Variants in GDPD5 observed in about 807,000 individuals in gnomAD.
GDPD5 encodes the protein glycerophosphodiester phosphodiesterase domain containing 5.
A neutral mutation model predicts 75.1 loss-of-function variants in GDPD5; 48 were observed. That is an observed-to-expected ratio of 0.64 (90% CI 0.51 to 0.81). GDPD5 has a LOEUF of 0.81. Among genes scored for constraint, GDPD5 ranks in the 40% least tolerant of loss-of-function variants. The pLI, the probability that GDPD5 is intolerant of heterozygous loss-of-function variation, is 0.00. For synonymous variants in GDPD5, 336 were observed against 339.0 expected (o/e 0.99, Z 0.10); for missense variants, 706 against 822.6 (o/e 0.86, Z 1.73).
At chr11:75,497,252 G>C (rs542475416) in intron 1 of GDPD5, among the ~76,000 whole-genome samples, 14 of 152,270 alleles carry the variant, frequency 9.2e-5, no homozygotes, top group African/African-American at 3.1e-4. Flanking sequence ...TGCTGGAGGA[G>C]CCCATGAGCT....
At chr11:75,513,006 G>A (rs1018422847) in intron 1 of GDPD5, among the ~76,000 whole-genome samples, 1 of 152,214 alleles carries the variant, frequency 6.6e-6, no homozygotes, top group Non-Finnish European at 1.5e-5. Context: ...AGGACATACT[G>A]TGTACCAGGC....
At chr11:75,437,303 G>C (rs556738736) in intron 15 of GDPD5, 2 of 516,632 alleles carry the variant, frequency 3.9e-6, no homozygotes, top group Admixed American at 7.0e-5. Context: ...CCAGGACTAG[G>C]GTTGGTTAGT....
rs1398089572 is a variant in GDPD5 at position 75,460,163 on chromosome 11, C to T, written c.222-2377G>A. Among the ~76,000 whole-genome samples the T allele has an allele frequency of 2.0e-5, 3 of 151,994 alleles. No individual in the cohort carries two copies. The East Asian group carries it at 5.8e-4, about 29-fold the overall frequency. ...AGATGTTCTGGTTCCATTTGTCTCT[C>T]AAGTGTGACCACTTTTAGCAGGGAG... On this transcript the variant is annotated intron_variant, in intron 4 of 16. Transcript: ENST00000336898.
At chr11:75,459,757 C>T (rs1400277967) in intron 4 of GDPD5, among the ~76,000 whole-genome samples, 1 of 148,182 alleles carries the variant, frequency 6.7e-6, no homozygotes, top group Non-Finnish European at 1.5e-5. Flanking sequence ...TTGCAGTGAG[C>T]TGAGATCATA....
At chr11:75,467,137 C>A (rs372075291) in intron 3 of GDPD5, among the ~76,000 whole-genome samples, 1 of 152,202 alleles carries the variant, frequency 6.6e-6, no homozygotes, top group Non-Finnish European at 1.5e-5. Context: ...CCACTGTGAC[C>A]CTCAATCAAA....
intron 3 of GDPD5, among the ~76,000 whole-genome samples, chr11:75,470,682 GA>G (rs944924525): frequency 2.0e-5 from 3 of 152,040 alleles, no homozygotes; most frequent in Non-Finnish European, 2.9e-5. Flanking sequence ...TTCAAAATGG[GA>G]AAAAAATTTT....
intron 2 of GDPD5, among the ~76,000 whole-genome samples, chr11:75,478,613 T>C (rs1949833131): frequency 1.3e-5 from 2 of 152,246 alleles, no homozygotes. Context: ...ATAATGCAGT[T>C]TTCATGAAGG....
chr11:75,509,022 T>C (rs1001966118), intron 1 of GDPD5: 7 of 152,268 alleles, frequency 4.6e-5, no homozygotes, highest in African/African-American at 1.4e-4. Flanking sequence ...TGACAGCTCC[T>C]GGCATGAACA....
At chr11:75,493,914 A>G (rs1481511213) in intron 1 of GDPD5, among the ~76,000 whole-genome samples, 1 of 152,214 alleles carries the variant, frequency 6.6e-6, no homozygotes, top group Non-Finnish European at 1.5e-5. Context: ...GGAACATCTT[A>G]CAACATTCTG....
chr11:75,447,102 C>T (rs984148151), intron 9 of GDPD5, among the ~76,000 whole-genome samples: 6 of 152,094 alleles, frequency 3.9e-5, no homozygotes, highest in African/African-American at 1.4e-4. Context: ...AGGCTGGTCT[C>T]GAACTCCTGA....
At chr11:75,487,451 G>A (rs533492291) in intron 2 of GDPD5, among the ~76,000 whole-genome samples, 2 of 152,366 alleles carry the variant, frequency 1.3e-5, no homozygotes, top group Non-Finnish European at 2.9e-5. Context: ...GAAGAGGCAG[G>A]TGGGGCCTGT....
intron 2 of GDPD5, among the ~76,000 whole-genome samples, 192 bp downstream of exon 2, chr11:75,490,045 C>T (rs544333080): frequency 2.6e-5 from 4 of 152,282 alleles, no homozygotes; most frequent in Admixed American, 6.5e-5. Context: ...GTATCTGGAA[C>T]GCTGTACTAA....
At chr11:75,524,318 C>G (rs958149737) in intron 1 of GDPD5, among the ~76,000 whole-genome samples, 1 of 152,238 alleles carries the variant, frequency 6.6e-6, no homozygotes, top group Admixed American at 6.5e-5. Context: ...CATACATGGT[C>G]GCCCAGATCT....
At chr11:75,486,502 A>C (rs1430711658) in intron 2 of GDPD5, among the ~76,000 whole-genome samples, 9 of 152,134 alleles carry the variant, frequency 5.9e-5, no homozygotes, top group Admixed American at 5.9e-4. Context: ...CTTACAGTAA[A>C]ATGCCAGGCA....
intron 3 of GDPD5, among the ~76,000 whole-genome samples, chr11:75,474,095 G>A (rs1239299776): frequency 6.6e-6 from 1 of 152,260 alleles, no homozygotes. Context: ...GCCTGGGGGT[G>A]TGAGTGGGGT....
chr11:75,465,693 GC>G (rs1302897638), intron 3 of GDPD5, among the ~76,000 whole-genome samples: 2 of 152,208 alleles, frequency 1.3e-5, no homozygotes, highest in South Asian at 4.1e-4. Flanking sequence ...TAGAGCCCAC[GC>G]TGGCAGTGTT....
At chr11:75,443,023 GA>G in intron 11 of GDPD5, 112 bp downstream of exon 11, 1 of 1,302,718 alleles carries the variant, frequency 7.7e-7, no homozygotes, top group Non-Finnish European at 1.1e-6. Context: ...TGGAGGTCGC[GA>G]AAGCTCTGAG....
rs376725732 is a variant in GDPD5 at position 75,439,957 on chromosome 11, G to A, written c.1478C>T (p.Pro493Leu). ...GACCCACATGAGACAGTACTCGTCCGGGGGCTGTGGACAGACGGCCCGAGG... is the reference window on the plus strand; with the variant it reads ...GACCCACATGAGACAGTACTCGTCCAGGGGCTGTGGACAGACGGCCCGAGG... ...QVPSPLWIMP[P>L]DEYCLMWVTA... Residue 493 changes from proline to leucine, a missense_variant, in exon 15 of 17, where the codon CCG becomes CTG. By Grantham distance (98) the Pro-to-Leu change is moderately conservative. Coordinates refer to ENST00000336898, the MANE Select transcript of GDPD5 (RefSeq NM_030792.8). The A allele has an allele frequency of 1.8e-4, 286 of 1,612,168 alleles. 2 individuals carry two copies. Among genetic ancestry groups the A allele is most frequent in the East Asian group, 1.5e-3 (67 of 44,830 alleles).
chr11:75,448,306 T>C (rs1176394644), intron 9 of GDPD5, among the ~76,000 whole-genome samples: 1 of 152,150 alleles, frequency 6.6e-6, no homozygotes, highest in South Asian at 2.1e-4. Flanking sequence ...CATGTGCATA[T>C]TTGGGCACTG....
Sources: allele counts gnomAD v4.1 joint callset (sites outside exome capture counted in the v4.1 genomes callset), GRCh38; gene constraint gnomAD v4.1.1; transcripts MANE v1.5; gene names NCBI Gene and HGNC (gene_info 2026-07-23, HGNC 2026-07-21).